EXOC2: variants seen among roughly 807,000 people sequenced by gnomAD.
EXOC2 encodes the protein SEC5-like 1.
A neutral mutation model predicts 131.8 loss-of-function variants in EXOC2; 70 were observed. The observed-to-expected ratio is 0.53, with a 90% CI of 0.44 to 0.65. EXOC2 has a LOEUF of 0.65. Among genes scored for constraint, EXOC2 ranks in the 30% least tolerant of loss-of-function variants. The probability of loss-of-function intolerance (pLI) is 0.00; values close to 1 mark genes in which losing one functional copy is unlikely to be tolerated. For missense variants in EXOC2, 923 were observed against 1,108.6 expected (o/e 0.83, Z 2.38); for synonymous variants, 411 against 398.4 (o/e 1.03, Z -0.38).
rs757175332 is a variant in EXOC2, at chr6:556,499, C to T, written c.1917G>A (p.Lys639=). ...GAATACTTACACTGGCCTCTCCCGG[C>T]TTGCACTCCAGAACCCCCTTCAGTG... is the stretch of plus-strand genomic sequence containing the variant. ...LQSLKGVLEC[K]PGEASVFQQP... The change falls in exon 18 of 28, where the codon AAG becomes AAA. Residue 639 remains lysine, a synonymous_variant. Coordinates refer to ENST00000230449, the MANE Select transcript of EXOC2 (RefSeq NM_018303.6). 18 of 1,613,966 alleles carry T rather than the reference C, an allele frequency of 1.1e-5. No homozygotes were observed. The African/African-American group carries it at 2.4e-4, about 22-fold the overall frequency.
At chr6:546,443 A>G (rs574595057) in intron 22 of EXOC2, among the ~76,000 whole-genome samples, 1 of 152,204 alleles carries the variant, frequency 6.6e-6, no homozygotes, top group East Asian at 1.9e-4. Context: ...AAAGGCCAAA[A>G]CAATGTACAC....
At chr6:556,251 G>A (rs2127575210) in intron 18 of EXOC2, among the ~76,000 whole-genome samples, 1 of 152,246 alleles carries the variant, frequency 6.6e-6, no homozygotes, top group Non-Finnish European at 1.5e-5. Flanking sequence ...ATCAATAGCT[G>A]TCCACAAAGT....
chr6:683,119 G>A (rs1394829537), intron 1 of EXOC2, among the ~76,000 whole-genome samples: 4 of 152,160 alleles, frequency 2.6e-5, no homozygotes, highest in African/African-American at 9.7e-5. Flanking sequence ...TAAAGCAGCA[G>A]AACAACTCCA....
At chr6:539,405 G>T (rs1766667995) in intron 22 of EXOC2, among the ~76,000 whole-genome samples, 1 of 152,020 alleles carries the variant, frequency 6.6e-6, no homozygotes, top group African/African-American at 2.4e-5. Context: ...CGGCACTGAT[G>T]CCAGCCAGTG....
chr6:500,982 A>T (rs541992715), intron 23 of EXOC2, among the ~76,000 whole-genome samples: 2 of 148,902 alleles, frequency 1.3e-5, no homozygotes, highest in South Asian at 2.1e-4. Context: ...TGAGGAGCCA[A>T]TTTCATATAC....
At chr6:656,563 C>G in intron 1 of EXOC2, 1 of 1,591,926 alleles carries the variant, frequency 6.3e-7, no homozygotes, top group Middle Eastern at 1.7e-4. Flanking sequence ...TCGTGCACCA[C>G]GCTGCGAGCG....
chr6:493,971 A>G (rs1198137954), intron 25 of EXOC2, among the ~76,000 whole-genome samples: 3 of 152,132 alleles, frequency 2.0e-5, no homozygotes, highest in African/African-American at 7.2e-5. Flanking sequence ...ATGTGTAGAG[A>G]GGGCGGATGC....
At chr6:603,429 ACT>A (rs1760212186) in intron 7 of EXOC2, among the ~76,000 whole-genome samples, 3 of 151,998 alleles carry the variant, frequency 2.0e-5, no homozygotes, top group Admixed American at 2.0e-4. Flanking sequence ...TATGCCTGAC[ACT>A]CTGTGTGGAG....
rs149570712 is a variant in EXOC2 at position 493,737 on chromosome 6, G to C, written c.2560-2551C>G. On this transcript the variant is annotated intron_variant, in intron 25 of 27. Coordinates refer to ENST00000230449, the MANE Select transcript of EXOC2 (RefSeq NM_018303.6). ...AAGCTCTCAAAGTCATTCTCAGTGG[G>C]AGAGTGAAGCGGGAGTTTAGACTCA... 2.5e-3 allele frequency among the ~76,000 whole-genome samples: 375 copies of C among 152,302 alleles called. 2 individuals carry two copies. The highest frequency in any genetic ancestry group is 8.4e-3 in the African/African-American group (350 of 41,562).
chr6:570,939 G>C (rs1358303474), intron 13 of EXOC2, among the ~76,000 whole-genome samples: 1 of 152,176 alleles, frequency 6.6e-6, no homozygotes, highest in Non-Finnish European at 1.5e-5. Context: ...CTGTGCAGAG[G>C]GCAAGGGGGA....
chr6:692,546 T>C (rs1272520823), intron 1 of EXOC2, among the ~76,000 whole-genome samples: 1 of 152,254 alleles, frequency 6.6e-6, no homozygotes, highest in African/African-American at 2.4e-5. Context: ...ACGCAAACGC[T>C]GACAACAGCG....
In EXOC2 at chr6:492,213, G is replaced by C. The variant is rs575252418; in HGVS notation, c.2560-1027C>G. On this transcript the variant is annotated intron_variant, in intron 25 of 27. Coordinates refer to ENST00000230449, the MANE Select transcript of EXOC2 (RefSeq NM_018303.6). ...TGTGAAAGGACGACCCACAGAATGA[G>C]GTATCACTTCACACCCACTAGGATG... 2.0e-3 allele frequency among the ~76,000 whole-genome samples: 298 copies of C among 152,310 alleles called. 1 individual carries two copies. The highest frequency in any genetic ancestry group is 6.8e-3 in the African/African-American group (284 of 41,562).
chr6:615,186 T>TGGGG (rs1368145011), intron 6 of EXOC2, among the ~76,000 whole-genome samples: 1 of 135,810 alleles, frequency 7.4e-6, no homozygotes, highest in Non-Finnish European at 1.6e-5. Context: ...GGTGTGGGTG[T>TGGGG]GTGTGTGTGT....
In EXOC2 at chr6:674,712, A is replaced by ATGTT. The variant is rs556375852; in HGVS notation, c.-44+18303_-44+18306dup. On this transcript the variant is annotated intron_variant, in intron 1 of 27. Coordinates refer to ENST00000230449, the MANE Select transcript of EXOC2 (RefSeq NM_018303.6). ...AAAAGTCCTGGCCCTTGTATTAACC[A>ATGTT]TGTTTGTTTGTTTGTTTGTTTGTTT... Among the ~76,000 whole-genome samples the ATGTT allele has an allele frequency of 2.3e-3, 341 of 148,680 alleles. 1 individual carries two copies. The highest frequency in any genetic ancestry group is 0.018 in the South Asian group (84 of 4,742).
intron 12 of EXOC2, among the ~76,000 whole-genome samples, 187 bp from the exon 13 acceptor site, chr6:572,831 C>G (rs1286458911): frequency 1.3e-5 from 2 of 152,234 alleles, no homozygotes; most frequent in Non-Finnish European, 2.9e-5. Context: ...ACCAGACACC[C>G]CCGCATTTCT....
intron 4 of EXOC2, among the ~76,000 whole-genome samples, chr6:621,336 T>C (rs780348022): frequency 2.6e-5 from 4 of 152,144 alleles, no homozygotes; most frequent in Admixed American, 6.6e-5. Context: ...CCCACAGATA[T>C]CTCTGCACAA....
chr6:618,619 G>A (rs1388939330), intron 5 of EXOC2, among the ~76,000 whole-genome samples: 1 of 152,084 alleles, frequency 6.6e-6, no homozygotes, highest in East Asian at 1.9e-4. Flanking sequence ...AAGCAATCAG[G>A]TTAAATTTAC....
chr6:619,933 T>C (rs1028157642), intron 4 of EXOC2, among the ~76,000 whole-genome samples: 3 of 152,218 alleles, frequency 2.0e-5, no homozygotes, highest in Admixed American at 6.5e-5. Flanking sequence ...AATTCTAAAA[T>C]ATTAAATCAC....
intron 22 of EXOC2, among the ~76,000 whole-genome samples, chr6:537,693 C>T (rs1382133217): frequency 1.3e-5 from 2 of 152,202 alleles, no homozygotes; most frequent in South Asian, 2.1e-4. Flanking sequence ...CTGGAGACAA[C>T]CCCATGTCCA....
Sources: allele counts gnomAD v4.1 joint callset (sites outside exome capture counted in the v4.1 genomes callset), GRCh38; gene constraint gnomAD v4.1.1; transcripts MANE v1.5; gene names NCBI Gene and HGNC (gene_info 2026-07-23, HGNC 2026-07-21).